Variants in VSIG1 observed in about 807,000 individuals in gnomAD.
The protein encoded by VSIG1 is V-set and immunoglobulin domain containing 1, also known as V-set and immunoglobulin domain-containing protein 1.
VSIG1 carries 11 observed loss-of-function variants against 20.1 expected under a neutral mutation model. The observed-to-expected ratio is 0.55, with a 90% CI of 0.34 to 0.91. The LOEUF is 0.91. VSIG1 is among the 40% of genes least tolerant of loss of function. The pLI is 0.02. For synonymous variants in VSIG1, 126 were observed against 116.7 expected (o/e 1.08, Z -0.52); for missense variants, 283 against 298.8 (o/e 0.95, Z 0.39).
chrX:108,031,360 A>C, the VSIG1 span, among the ~76,000 whole-genome samples: 38 of 112,335 alleles, frequency 3.4e-4, no homozygotes, highest in African/African-American at 1.2e-3. Context: ...GCCAATCATT[A>C]ATCATGTACT....
the VSIG1 span, among the ~76,000 whole-genome samples, chrX:108,034,661 G>A: frequency 8.9e-6 from 1 of 112,470 alleles, no homozygotes; most frequent in African/African-American, 3.2e-5. Context: ...TGCAGGCACT[G>A]TTTTAAGCAC....
intron 1 of VSIG1, among the ~76,000 whole-genome samples, chrX:108,047,831 C>CATATATAT (rs1315556430): frequency 3.1e-5 from 1 of 32,576 alleles, no homozygotes; most frequent in Non-Finnish European, 6.0e-5. Flanking sequence ...CATATATATA[C>CATATATAT]ACATATATAT....
chrX:108,044,306 C>T (rs1219296308), upstream of VSIG1, among the ~76,000 whole-genome samples: 1 of 111,523 alleles, frequency 9.0e-6, no homozygotes, highest in Non-Finnish European at 1.9e-5. Context: ...AAGTTCCTTA[C>T]CTGTGGAGCC....
At chrX:108,066,484 C>A (rs2031128869) in intron 2 of VSIG1, among the ~76,000 whole-genome samples, 3 of 111,144 alleles carry the variant, frequency 2.7e-5, no homozygotes, top group Admixed American at 9.5e-5. Context: ...TTTAAGGAAA[C>A]CAGATAGTCT....
the VSIG1 span, among the ~76,000 whole-genome samples, chrX:108,038,297 G>A: frequency 9.0e-6 from 1 of 110,747 alleles, no homozygotes; most frequent in East Asian, 2.9e-4. Context: ...TCCCCTCCCT[G>A]TGTCCATGTG....
At chrX:108,062,911 C>T (rs1602576334) in intron 2 of VSIG1, among the ~76,000 whole-genome samples, 1 of 112,394 alleles carries the variant, frequency 8.9e-6, no homozygotes, top group Non-Finnish European at 1.9e-5. Flanking sequence ...GAAGCTAACT[C>T]CAACTCAGAT....
the VSIG1 span, among the ~76,000 whole-genome samples, chrX:108,034,267 G>A: frequency 8.9e-6 from 1 of 111,788 alleles, no homozygotes; most frequent in East Asian, 2.8e-4. Flanking sequence ...AGAGCATCCT[G>A]TGAACTCAGC....
At chrX:108,066,654 G>C (rs373373396) in intron 2 of VSIG1, among the ~76,000 whole-genome samples, 2 of 111,802 alleles carry the variant, frequency 1.8e-5, no homozygotes, top group East Asian at 5.6e-4. Flanking sequence ...CCAAGCTTAG[G>C]TGTTGAATCC....
upstream of VSIG1, among the ~76,000 whole-genome samples, chrX:108,042,072 C>T (rs188616814): frequency 6.5e-4 from 73 of 111,921 alleles, 3 homozygotes; most frequent in East Asian, 9.2e-3. Context: ...TTTAATATTT[C>T]GTGTCCTAGT....
At chrX:108,037,617 A>G in the VSIG1 span, among the ~76,000 whole-genome samples, 1 of 112,491 alleles carries the variant, frequency 8.9e-6, no homozygotes, top group African/African-American at 3.2e-5. Flanking sequence ...ATTTGCCACT[A>G]TTTCAGACTT....
chrX:108,036,575 G>A, the VSIG1 span, among the ~76,000 whole-genome samples: 1 of 112,025 alleles, frequency 8.9e-6, no homozygotes, highest in Non-Finnish European at 1.9e-5. Flanking sequence ...AGGCTACTCA[G>A]CACAAGCTGA....
chrX:108,075,182 C>G lies in VSIG1; in HGVS notation c.689-895C>G, dbSNP rs1413078091. On this transcript the variant is annotated intron_variant, in intron 5 of 6. Transcript: ENST00000217957. ...GAGTGGTGTAAAAGAGCTCAATCTCCAACTTCTAGGGTACGAAGTTGAAAG... is the reference window on the plus strand; with the variant it reads ...GAGTGGTGTAAAAGAGCTCAATCTCGAACTTCTAGGGTACGAAGTTGAAAG... 9.0e-5 allele frequency among the ~76,000 whole-genome samples: 10 copies of G among 110,855 alleles called. No homozygotes were observed. The East Asian group carries it at 2.9e-3, about 32-fold the overall frequency.
intron 1 of VSIG1, among the ~76,000 whole-genome samples, chrX:108,055,680 C>T (rs2030881377): frequency 9.8e-6 from 1 of 102,296 alleles, no homozygotes; most frequent in Non-Finnish European, 2.0e-5. Flanking sequence ...CAGTGTAATC[C>T]ACCATATCAA....
chrX:108,054,074 A>G (rs968152598), intron 1 of VSIG1, among the ~76,000 whole-genome samples: 2 of 111,866 alleles, frequency 1.8e-5, no homozygotes, highest in African/African-American at 6.5e-5. Flanking sequence ...AATATAGAAA[A>G]AGATGTACCA....
the VSIG1 span, among the ~76,000 whole-genome samples, chrX:108,026,136 T>C: frequency 1.8e-5 from 2 of 112,098 alleles, no homozygotes; most frequent in Non-Finnish European, 3.8e-5. Context: ...AAGCTCTGTT[T>C]CAGAGAGACT....
chrX:108,038,826 G>A, the VSIG1 span, among the ~76,000 whole-genome samples: 8 of 111,626 alleles, frequency 7.2e-5, no homozygotes, highest in Admixed American at 9.5e-5. Context: ...TCATTTTAGC[G>A]TCTTCTAAGC....
chrX:108,053,798 A>G (rs1487401899), intron 1 of VSIG1, among the ~76,000 whole-genome samples: 1 of 111,710 alleles, frequency 9.0e-6, no homozygotes, highest in East Asian at 2.8e-4. Context: ...TTTTTACTCC[A>G]GTACATTGGT....
upstream of VSIG1, among the ~76,000 whole-genome samples, chrX:108,042,451 C>T (rs777525501): frequency 1.8e-4 from 20 of 111,956 alleles, no homozygotes; most frequent in African/African-American, 6.5e-4. Flanking sequence ...ACTGTTTATG[C>T]TGTCTTTCCC....
the VSIG1 span, among the ~76,000 whole-genome samples, chrX:108,021,418 T>A: frequency 3.6e-5 from 4 of 112,090 alleles, no homozygotes; most frequent in Admixed American, 2.8e-4. Context: ...TGTCTTTTCA[T>A]CATTGAGTTG....
Sources: gnomAD v4.1 joint callset for allele counts (sites outside exome capture counted in the v4.1 genomes callset) on GRCh38, gnomAD v4.1.1 for gene constraint, MANE v1.5 for transcripts, NCBI Gene and HGNC (gene_info 2026-07-23, HGNC 2026-07-21) for gene names.